NAV2: variants seen among roughly 807,000 people sequenced by gnomAD.
NAV2 encodes the protein neuron navigator 2.
A neutral mutation model predicts 223.2 loss-of-function variants in NAV2; 54 were observed. That is an observed-to-expected ratio of 0.24 (90% confidence interval 0.19 to 0.30). NAV2 has a LOEUF of 0.30. Ranked by LOEUF, NAV2 falls within the 10% of genes least tolerant of loss-of-function variation. The probability of loss-of-function intolerance (pLI) is 1.00; values close to 1 mark genes in which losing one functional copy is unlikely to be tolerated. For synonymous variants in NAV2, 1,279 were observed against 1,239.3 expected (o/e 1.03, Z -0.67); for missense variants, 2,806 against 3,147.5 (o/e 0.89, Z 2.60).
chr11:19,553,710 A>G (rs1035254665), intron 1 of NAV2, among the ~76,000 whole-genome samples: 6 of 152,258 alleles, frequency 3.9e-5, no homozygotes, highest in African/African-American at 1.4e-4. Flanking sequence ...ATGCCTTGGC[A>G]TTGCCGAGAT....
At chr11:19,920,311 CAG>C (rs1272004783) in intron 6 of NAV2, among the ~76,000 whole-genome samples, 1 of 152,126 alleles carries the variant, frequency 6.6e-6, no homozygotes, top group African/African-American at 2.4e-5. Context: ...TTATTTGAGA[CAG>C]AGTCTCCCTC....
rs566566177 is a variant in NAV2 at position 19,853,509 on chromosome 11, G to T, written c.438+10586G>T. 9.8e-3 allele frequency among the ~76,000 whole-genome samples: 1,485 copies of T among 150,976 alleles called. 18 individuals carry two copies. Among genetic ancestry groups the T allele is most frequent in the African/African-American group, 0.032 (1,316 of 41,266 alleles). Reference sequence around the variant, plus strand: ...TAAAACATCATGAGATCTTTTTTTTGTGTGACTTTTTTAAAGCTCATCAGC... The same window carrying T: ...TAAAACATCATGAGATCTTTTTTTTTTGTGACTTTTTTAAAGCTCATCAGC... On this transcript the variant is annotated intron_variant, in intron 3 of 37. Coordinates refer to ENST00000349880, the MANE Select transcript of NAV2 (RefSeq NM_145117.5).
chr11:19,483,631 G>T (rs183149489), intron 1 of NAV2, among the ~76,000 whole-genome samples: 176 of 152,328 alleles, frequency 1.2e-3, no homozygotes, highest in Middle Eastern at 0.01. Context: ...TACTAGTTTT[G>T]CTGTCCCACC....
chr11:19,614,897 A>G (rs1317663283), intron 1 of NAV2, among the ~76,000 whole-genome samples: 2 of 152,130 alleles, frequency 1.3e-5, no homozygotes, highest in Admixed American at 1.3e-4. Flanking sequence ...TCTTTTCCTT[A>G]AAGACCTCTC....
upstream of NAV2, among the ~76,000 whole-genome samples, chr11:19,708,582 C>T (rs1356666822): frequency 6.6e-6 from 1 of 152,072 alleles, no homozygotes; most frequent in African/African-American, 2.4e-5. Context: ...GTTGATGGAA[C>T]TGGTCACTCA....
chr11:19,821,831 C>T (rs1452599832), intron 1 of NAV2, among the ~76,000 whole-genome samples: 1 of 152,164 alleles, frequency 6.6e-6, no homozygotes, highest in Non-Finnish European at 1.5e-5. Context: ...GCCTTTCCCT[C>T]TCTCTCTGCT....
chr11:20,069,390 G>C (rs2059255668), intron 22 of NAV2, among the ~76,000 whole-genome samples: 1 of 152,186 alleles, frequency 6.6e-6, no homozygotes, highest in African/African-American at 2.4e-5. Flanking sequence ...TCAGATCACA[G>C]TGTCTGAGCT....
intron 1 of NAV2, among the ~76,000 whole-genome samples, chr11:19,716,507 T>C (rs746116887): frequency 3.9e-5 from 6 of 152,216 alleles, no homozygotes; most frequent in Non-Finnish European, 8.8e-5. Flanking sequence ...TGGGGCATGC[T>C]GAATCAACAT....
chr11:19,594,428 CTTT>C (rs77892048), intron 1 of NAV2, among the ~76,000 whole-genome samples: 1 of 135,858 alleles, frequency 7.4e-6, no homozygotes, highest in African/African-American at 2.7e-5. Flanking sequence ...ACTTCGGGGA[CTTT>C]TTTTTTTTTT....
intron 1 of NAV2, among the ~76,000 whole-genome samples, chr11:19,659,773 A>G (rs1180358285): frequency 3.3e-5 from 5 of 152,128 alleles, no homozygotes; most frequent in African/African-American, 1.2e-4. Context: ...TAACCCTGCC[A>G]TCTACTAGTG....
intron 1 of NAV2, among the ~76,000 whole-genome samples, chr11:19,432,844 G>A (rs189211955): frequency 1.8e-4 from 28 of 152,266 alleles, no homozygotes; most frequent in Admixed American, 8.5e-4. Context: ...AACTCTTACC[G>A]CAGCTGAGGA....
At chr11:19,695,033 C>T (rs939691123) in intron 1 of NAV2, among the ~76,000 whole-genome samples, 1 of 152,222 alleles carries the variant, frequency 6.6e-6, no homozygotes, top group African/African-American at 2.4e-5. Context: ...AGAGCTGCCA[C>T]CACTTGGCTT....
chr11:19,763,318 G>A (rs1326867469), intron 1 of NAV2, among the ~76,000 whole-genome samples: 2 of 152,176 alleles, frequency 1.3e-5, no homozygotes, highest in Non-Finnish European at 2.9e-5. Flanking sequence ...TAAGAATAAG[G>A]CATAGCATGC....
intron 1 of NAV2, among the ~76,000 whole-genome samples, chr11:19,534,520 G>A (rs1167393736): frequency 2.6e-5 from 4 of 152,210 alleles, no homozygotes; most frequent in Admixed American, 6.5e-5. Context: ...AGAAGTGAAG[G>A]AGCACAGAGA....
chr11:20,077,813 A>G (rs888281470), intron 23 of NAV2, among the ~76,000 whole-genome samples, 178 bp downstream of exon 23: 3 of 152,212 alleles, frequency 2.0e-5, no homozygotes, highest in Non-Finnish European at 2.9e-5. Flanking sequence ...AATGGCATCA[A>G]TGATAGATCT....
chr11:19,405,590 G>A (rs1045106612), intron 1 of NAV2, among the ~76,000 whole-genome samples: 5 of 152,206 alleles, frequency 3.3e-5, no homozygotes, highest in African/African-American at 9.6e-5. Context: ...TACTCATGAG[G>A]TGCTTGAAAA....
chr11:19,655,218 C>T (rs148891700), intron 1 of NAV2, among the ~76,000 whole-genome samples: 2,143 of 152,170 alleles, frequency 0.014, 48 homozygotes, highest in African/African-American at 0.048. Context: ...GTTAGAATGG[C>T]GATCATTAAA....
intron 1 of NAV2, among the ~76,000 whole-genome samples, chr11:19,383,408 T>A (rs911763631): frequency 5.9e-5 from 9 of 152,188 alleles, no homozygotes; most frequent in African/African-American, 2.2e-4. Context: ...TAAACTATGA[T>A]GTAAGCAAGA....
chr11:19,641,463 C>A (rs932205237), intron 1 of NAV2, among the ~76,000 whole-genome samples: 2 of 151,944 alleles, frequency 1.3e-5, no homozygotes, highest in African/African-American at 4.8e-5. Context: ...TATCTTTTAA[C>A]CCATCCTCCT....
Sources: allele counts gnomAD v4.1 joint callset (sites outside exome capture counted in the v4.1 genomes callset), GRCh38; gene constraint gnomAD v4.1.1; transcripts MANE v1.5; gene names NCBI Gene and HGNC (gene_info 2026-07-23, HGNC 2026-07-21).